TNFSF4: variants seen among roughly 807,000 people sequenced by gnomAD.
TNFSF4 encodes tumor necrosis factor ligand superfamily member 4.
In TNFSF4, 4 loss-of-function variants were observed where a neutral mutation model predicts 7.3. The observed-to-expected ratio is 0.55, with a 90% CI of 0.27 to 1.25. The LOEUF (loss-of-function observed/expected upper bound fraction) is 1.25, where lower values mean the gene tolerates loss of function less well. Among genes scored for constraint, TNFSF4 ranks in the 50% most tolerant of loss-of-function variants. The pLI is 0.12. For missense variants in TNFSF4, 181 were observed against 208.8 expected (o/e 0.87, Z 0.82); for synonymous variants, 76 against 83.7 (o/e 0.91, Z 0.50).
the TNFSF4 span, among the ~76,000 whole-genome samples, chr1:173,431,996 G>A: frequency 4.6e-5 from 7 of 152,168 alleles, no homozygotes; most frequent in Non-Finnish European, 8.8e-5. Context: ...TGCCCTGAGA[G>A]GACCTAAAAG....
At chr1:173,447,494 G>A in the TNFSF4 span, among the ~76,000 whole-genome samples, 3 of 152,080 alleles carry the variant, frequency 2.0e-5, no homozygotes, top group Admixed American at 2.0e-4. Flanking sequence ...AGGGGTAGAG[G>A]GCATATGGGA....
the TNFSF4 span, among the ~76,000 whole-genome samples, chr1:173,312,789 C>T: frequency 3.3e-5 from 5 of 152,116 alleles, no homozygotes; most frequent in African/African-American, 9.7e-5. Context: ...GAGGCTAAAA[C>T]ACACATGCTC....
chr1:173,412,756 G>A, the TNFSF4 span, among the ~76,000 whole-genome samples: 1 of 152,176 alleles, frequency 6.6e-6, no homozygotes, highest in Non-Finnish European at 1.5e-5. Flanking sequence ...ATCTTTGAGT[G>A]GAGTATTACA....
the TNFSF4 span, among the ~76,000 whole-genome samples, chr1:173,286,453 T>C: frequency 6.6e-6 from 1 of 152,316 alleles, no homozygotes; most frequent in East Asian, 1.9e-4. Flanking sequence ...TACCTACACA[T>C]ATACAGTCAC....
chr1:173,393,625 C>T, the TNFSF4 span, among the ~76,000 whole-genome samples: 11 of 152,330 alleles, frequency 7.2e-5, no homozygotes, highest in Middle Eastern at 3.4e-3. Flanking sequence ...GATGAGATTG[C>T]AAGAGCAGCA....
At chr1:173,180,368 C>G (rs1649034476), downstream of TNFSF4, among the ~76,000 whole-genome samples, 1 of 152,112 alleles carries the variant, frequency 6.6e-6, no homozygotes, top group Non-Finnish European at 1.5e-5. Context: ...CTTTACATTT[C>G]TAGTACCTAG....
chr1:173,192,376 G>T (rs1472649886), intron 1 of TNFSF4, among the ~76,000 whole-genome samples: 1 of 152,164 alleles, frequency 6.6e-6, no homozygotes, highest in Non-Finnish European at 1.5e-5. Context: ...GGAACATTAT[G>T]CAGCACTAAA....
chr1:173,241,915 T>C, the TNFSF4 span, among the ~76,000 whole-genome samples: 1 of 152,188 alleles, frequency 6.6e-6, no homozygotes, highest in African/African-American at 2.4e-5. Flanking sequence ...GCCTTTTGCA[T>C]TGCGTGAGAC....
At chr1:173,176,889 CAT>C in the TNFSF4 span, among the ~76,000 whole-genome samples, 4 of 152,186 alleles carry the variant, frequency 2.6e-5, no homozygotes, top group African/African-American at 7.2e-5. Context: ...CCAAATACCA[CAT>C]GTTATCACTT....
intron 1 of TNFSF4, among the ~76,000 whole-genome samples, chr1:173,196,065 C>T (rs999896869): frequency 2.0e-5 from 3 of 152,066 alleles, no homozygotes; most frequent in Non-Finnish European, 4.4e-5. Flanking sequence ...TCACTCTTAG[C>T]CACCACAGTA....
chr1:173,413,050 C>A, the TNFSF4 span, among the ~76,000 whole-genome samples: 5 of 151,898 alleles, frequency 3.3e-5, no homozygotes, highest in Non-Finnish European at 5.9e-5. Context: ...CCCACCCAGA[C>A]CAAAAATGGA....
chr1:173,233,686 C>T, the TNFSF4 span, among the ~76,000 whole-genome samples: 1 of 152,152 alleles, frequency 6.6e-6, no homozygotes, highest in African/African-American at 2.4e-5. Context: ...CTTTATTGCT[C>T]AGGGAAATAG....
the TNFSF4 span, among the ~76,000 whole-genome samples, chr1:173,430,135 T>C: frequency 1.3e-5 from 2 of 152,178 alleles, no homozygotes; most frequent in African/African-American, 2.4e-5. Context: ...GCCTACGCAA[T>C]GGAACGCGGG....
At chr1:173,447,266 T>C in the TNFSF4 span, among the ~76,000 whole-genome samples, 1 of 152,176 alleles carries the variant, frequency 6.6e-6, no homozygotes, top group Non-Finnish European at 1.5e-5. Context: ...ATATAGACAA[T>C]TTTTACAGCA....
chr1:173,376,445 G>A, the TNFSF4 span, among the ~76,000 whole-genome samples: 105,681 of 151,898 alleles, frequency 0.7, 36,969 homozygotes, highest in African/African-American at 0.77. Context: ...GTTAGGGGGT[G>A]GGGGTCTAGG....
At chr1:173,410,967 G>A in the TNFSF4 span, among the ~76,000 whole-genome samples, 8 of 152,302 alleles carry the variant, frequency 5.3e-5, no homozygotes, top group African/African-American at 1.9e-4. Context: ...AGTCCTTAAT[G>A]TGTGGTTTTC....
chr1:173,234,724 CAT>C, the TNFSF4 span, among the ~76,000 whole-genome samples: 1 of 152,090 alleles, frequency 6.6e-6, no homozygotes, highest in Admixed American at 6.6e-5. Flanking sequence ...TGTTCTCACT[CAT>C]AGGTGGGAAT....
chr1:173,378,561 A>G, the TNFSF4 span, among the ~76,000 whole-genome samples: 3 of 152,150 alleles, frequency 2.0e-5, no homozygotes, highest in African/African-American at 4.8e-5. Flanking sequence ...CGTGGCCCCA[A>G]TATTCTCTCT....
the TNFSF4 span, among the ~76,000 whole-genome samples, chr1:173,447,825 A>T: frequency 1.3e-5 from 2 of 152,126 alleles, no homozygotes; most frequent in African/African-American, 2.4e-5. Context: ...ACACCAATTA[A>T]AACATCGAGT....
Sources: allele counts gnomAD v4.1 joint callset (sites outside exome capture counted in the v4.1 genomes callset), GRCh38; gene constraint gnomAD v4.1.1; transcripts MANE v1.5; gene names NCBI Gene and HGNC (gene_info 2026-07-23, HGNC 2026-07-21).